Variants in STAG1 observed in about 807,000 individuals in gnomAD.
STAG1 encodes the protein cohesin subunit SA-1.
In STAG1, 26 loss-of-function variants were observed where a neutral mutation model predicts 170.9. That is an observed-to-expected ratio of 0.15 (90% CI 0.11 to 0.21). The LOEUF (loss-of-function observed/expected upper bound fraction) is 0.21, where lower values mean the gene tolerates loss of function less well. Ranked by LOEUF, STAG1 falls within the 10% of genes least tolerant of loss-of-function variation. The pLI, the probability that STAG1 is intolerant of heterozygous loss-of-function variation, is 1.00. For synonymous variants in STAG1, 514 were observed against 497.7 expected (o/e 1.03, Z -0.44); for missense variants, 964 against 1,509.5 (o/e 0.64, Z 5.99).
intron 1 of STAG1, among the ~76,000 whole-genome samples, chr3:136,744,460 C>T (rs766604669): frequency 6.6e-6 from 1 of 152,164 alleles, no homozygotes; most frequent in Non-Finnish European, 1.5e-5. Context: ...TCAATTTACA[C>T]TGCTGACAAA....
chr3:136,672,390 C>G (rs1244381796), intron 1 of STAG1, among the ~76,000 whole-genome samples: 2 of 152,222 alleles, frequency 1.3e-5, no homozygotes, highest in Admixed American at 6.5e-5. Flanking sequence ...ATAACTTCTA[C>G]AACCCTTGAC....
At chr3:136,430,531 G>T (rs2088266598) in intron 16 of STAG1, among the ~76,000 whole-genome samples, 1 of 150,962 alleles carries the variant, frequency 6.6e-6, no homozygotes, top group Non-Finnish European at 1.5e-5. Context: ...TAAATCAGGG[G>T]TATCCAATTT....
intron 22 of STAG1, among the ~76,000 whole-genome samples, chr3:136,396,629 G>A (rs1282623634): frequency 1.5e-5 from 2 of 137,210 alleles, no homozygotes; most frequent in Admixed American, 8.1e-5. Flanking sequence ...CCGAGTTCAA[G>A]CGATTCTTCT....
chr3:136,549,985 T>C (rs539621884), intron 5 of STAG1, among the ~76,000 whole-genome samples: 3 of 152,204 alleles, frequency 2.0e-5, no homozygotes, highest in Middle Eastern at 3.2e-3. Context: ...TAATTGACTT[T>C]CATTTGGTGA....
intron 3 of STAG1, among the ~76,000 whole-genome samples, chr3:136,608,863 G>A (rs1411859181): frequency 6.7e-6 from 1 of 149,816 alleles, no homozygotes; most frequent in African/African-American, 2.5e-5. Context: ...GAGTACCTTT[G>A]CTTCTAGGTT....
At chr3:136,474,847 C>T (rs909007785) in intron 10 of STAG1, among the ~76,000 whole-genome samples, 7 of 152,108 alleles carry the variant, frequency 4.6e-5, no homozygotes, top group Non-Finnish European at 1.0e-4. Flanking sequence ...GGAGAATGGA[C>T]CACGGTTTAC....
chr3:136,376,569 T>G (rs1937616445), intron 23 of STAG1, among the ~76,000 whole-genome samples: 1 of 152,164 alleles, frequency 6.6e-6, no homozygotes, highest in South Asian at 2.1e-4. Context: ...GCCTCTTCTC[T>G]AGGCATACTG....
At chr3:136,382,120 T>A (rs1366442414) in intron 22 of STAG1, among the ~76,000 whole-genome samples, 1 of 152,230 alleles carries the variant, frequency 6.6e-6, no homozygotes, top group Non-Finnish European at 1.5e-5. Context: ...ATTGGGTTTT[T>A]AAGAAATGAT....
chr3:136,343,246 T>G (rs139825929), intron 30 of STAG1, among the ~76,000 whole-genome samples: 58 of 152,336 alleles, frequency 3.8e-4, no homozygotes, highest in African/African-American at 1.3e-3. Flanking sequence ...CATCACCCTC[T>G]GCCTTCTCTA....
Position 136,338,403 on chromosome 3 carries a change from G to A in STAG1, c.3720C>T (p.Phe1240=). The A allele has an allele frequency of 6.2e-7, 1 of 1,613,964 alleles. No individual in the cohort carries two copies. Among genetic ancestry groups the A allele is most frequent in the Non-Finnish European group, 8.5e-7 (1 of 1,179,862 alleles). ...RRERAELRPD[F]FDSAAIIEDD... The stretch of plus-strand genomic sequence containing the variant: ...CTTCTATGATAGCTGCAGAGTCAAA[G>A]AAGTCTGGCCTTAGCTCAGCTCTCT... The change falls in exon 33 of 34, where the codon TTC becomes TTT. Residue 1240 remains phenylalanine, a synonymous_variant. Coordinates refer to ENST00000383202, the MANE Select transcript of STAG1 (RefSeq NM_005862.3).
At chr3:136,505,166 T>C (rs1933693226) in intron 7 of STAG1, among the ~76,000 whole-genome samples, 1 of 152,208 alleles carries the variant, frequency 6.6e-6, no homozygotes, top group African/African-American at 2.4e-5. Flanking sequence ...CAAATTTTCC[T>C]GGTATTACTA....
intron 29 of STAG1, among the ~76,000 whole-genome samples, chr3:136,345,773 TCTC>T (rs755875270): frequency 1.3e-5 from 2 of 152,156 alleles, no homozygotes; most frequent in Non-Finnish European, 2.9e-5. Flanking sequence ...GCATCCTGTT[TCTC>T]CTCGTATTTC....
intron 21 of STAG1, among the ~76,000 whole-genome samples, 162 bp from the exon 22 acceptor site, chr3:136,398,991 A>G (rs2087244826): frequency 6.6e-6 from 1 of 152,192 alleles, no homozygotes; most frequent in African/African-American, 2.4e-5. Flanking sequence ...ATACTTGGTT[A>G]AAAAGGACAA....
At chr3:136,372,930 C>T (rs1043419564) in intron 23 of STAG1, among the ~76,000 whole-genome samples, 1 of 151,932 alleles carries the variant, frequency 6.6e-6, no homozygotes, top group African/African-American at 2.4e-5. Context: ...ATGGTACCAG[C>T]TCCTCCTTGT....
intron 6 of STAG1, among the ~76,000 whole-genome samples, chr3:136,538,816 T>C (rs1423914714): frequency 6.6e-6 from 1 of 152,146 alleles, no homozygotes; most frequent in East Asian, 1.9e-4. Context: ...TATCACAGGT[T>C]TTCACTATTA....
intron 21 of STAG1, among the ~76,000 whole-genome samples, chr3:136,411,129 T>C (rs372740517): frequency 4.6e-5 from 7 of 152,332 alleles, no homozygotes; most frequent in African/African-American, 1.7e-4. Flanking sequence ...TAGTGATACA[T>C]GATTATACTT....
chr3:136,508,121 C>T (rs754471858), intron 7 of STAG1, among the ~76,000 whole-genome samples: 1 of 152,038 alleles, frequency 6.6e-6, no homozygotes, highest in African/African-American at 2.4e-5. Flanking sequence ...GCTAGAGGAA[C>T]GTGAGGGAAC....
At chr3:136,518,697 T>C (rs1015334416) in intron 7 of STAG1, among the ~76,000 whole-genome samples, 1 of 152,104 alleles carries the variant, frequency 6.6e-6, no homozygotes, top group Non-Finnish European at 1.5e-5. Context: ...AGAGAACAAC[T>C]GAAAAGTTTT....
At chr3:136,411,373 A>T (rs967257229) in intron 21 of STAG1, among the ~76,000 whole-genome samples, 1 of 152,182 alleles carries the variant, frequency 6.6e-6, no homozygotes, top group Non-Finnish European at 1.5e-5. Context: ...ATCTGGGATG[A>T]TATTTAAATT....
Sources: gnomAD v4.1 joint callset for allele counts (sites outside exome capture counted in the v4.1 genomes callset) on GRCh38, gnomAD v4.1.1 for gene constraint, MANE v1.5 for transcripts, NCBI Gene and HGNC (gene_info 2026-07-23, HGNC 2026-07-21) for gene names.